Variants in WWOX observed in about 807,000 individuals in gnomAD.
WWOX encodes the protein WW domain-containing oxidoreductase.
Under a neutral mutation model 46.2 loss-of-function variants are expected in WWOX, and 69 were observed. That is an observed-to-expected ratio of 1.49 (90% CI 1.23 to 1.82). The LOEUF (loss-of-function observed/expected upper bound fraction) is 1.82, where lower values mean the gene tolerates loss of function less well. Ranked by LOEUF, WWOX falls within the 40% of genes most tolerant of loss-of-function variation. The probability of loss-of-function intolerance (pLI) is 0.00; values close to 1 mark genes in which losing one functional copy is unlikely to be tolerated. For missense variants in WWOX, 919 were observed against 542.6 expected (o/e 1.69, Z -6.89); for synonymous variants, 359 against 202.6 (o/e 1.77, Z -6.56).
intron 8 of WWOX, among the ~76,000 whole-genome samples, chr16:78,548,171 A>ATTC (rs2044088530): frequency 2.7e-5 from 2 of 74,858 alleles, no homozygotes; most frequent in Non-Finnish European, 3.6e-5. Flanking sequence ...AAAAAAAAAA[A>ATTC]AAAAAAATTA....
chr16:78,382,447 G>A (rs909439451), intron 5 of WWOX, among the ~76,000 whole-genome samples: 1 of 152,222 alleles, frequency 6.6e-6, no homozygotes, highest in Non-Finnish European at 1.5e-5. Context: ...TACAATGAGT[G>A]TGAAGTGTGA....
chr16:79,152,685 A>C (rs1005138717), intron 8 of WWOX, among the ~76,000 whole-genome samples: 12 of 151,850 alleles, frequency 7.9e-5, no homozygotes, highest in African/African-American at 9.7e-5. Context: ...AAAAAAAAAA[A>C]AAACAAAAAC....
At chr16:79,107,900 G>C (rs982902835) in intron 8 of WWOX, among the ~76,000 whole-genome samples, 1 of 152,176 alleles carries the variant, frequency 6.6e-6, no homozygotes, top group Non-Finnish European at 1.5e-5. Flanking sequence ...GTCATAACTG[G>C]GGATTTTGGA....
chr16:78,806,351 TAACA>T (rs1402294989), intron 8 of WWOX, among the ~76,000 whole-genome samples: 1 of 152,200 alleles, frequency 6.6e-6, no homozygotes, highest in Non-Finnish European at 1.5e-5. Context: ...AATTGTTGCA[TAACA>T]AACCACCCCC....
chr16:79,010,898 G>C (rs990164314), intron 8 of WWOX, among the ~76,000 whole-genome samples: 1 of 152,036 alleles, frequency 6.6e-6, no homozygotes, highest in Non-Finnish European at 1.5e-5. Context: ...AGGGCAGACG[G>C]GGTCATGTTG....
At chr16:78,714,683 A>G (rs2048522568) in intron 8 of WWOX, among the ~76,000 whole-genome samples, 1 of 152,200 alleles carries the variant, frequency 6.6e-6, no homozygotes, top group South Asian at 2.1e-4. Flanking sequence ...AGTAAGAAGC[A>G]GTGTAGCATG....
chr16:79,150,641 A>G (rs1486976176), intron 8 of WWOX, among the ~76,000 whole-genome samples: 1 of 152,164 alleles, frequency 6.6e-6, no homozygotes, highest in African/African-American at 2.4e-5. Context: ...AAATTCATAT[A>G]TTTTTAAATA....
At chr16:79,185,946 G>A (rs565561559) in intron 8 of WWOX, among the ~76,000 whole-genome samples, 1 of 149,816 alleles carries the variant, frequency 6.7e-6, no homozygotes, top group Non-Finnish European at 1.5e-5. Context: ...TGCCATGTCT[G>A]TGTGTGTGTG....
Position 78,504,588 on chromosome 16 carries a change from A to G in WWOX, c.1056+71836A>G, listed in dbSNP as rs534925599. Among the ~76,000 whole-genome samples the G allele has an allele frequency of 3.9e-5, 6 of 152,306 alleles. No homozygotes were observed. In the South Asian group the frequency reaches 1.2e-3, roughly 32 times the overall value. On this transcript the variant is annotated intron_variant, in intron 8 of 8. Coordinates refer to ENST00000566780, the MANE Select transcript of WWOX (RefSeq NM_016373.4). ...TTCCAGAAGTGGGCGTCGTGATGCC[A>G]GTGTCTTCGTAATACTATCTTTCTT... is the stretch of plus-strand genomic sequence containing the variant.
chr16:78,432,545 A>G lies in WWOX; in HGVS notation c.849A>G (p.Thr283=), dbSNP rs759599384. The change falls in exon 8 of 9, where the codon ACA becomes ACG. Residue 283 remains threonine (T), a synonymous_variant. Transcript: ENST00000566780. ...TGGACTTCAGTCGCCTCTCTCCAAC[A>G]AAAAACGACTATTGGGCGATGCTGG... ...GKLDFSRLSP[T]KNDYWAMLAY... is the part of the protein sequence containing the mutation. 22 of 1,614,158 alleles carry G rather than the reference A, an allele frequency of 1.4e-5. No homozygotes were observed. In the South Asian group the frequency reaches 2.1e-4, roughly 15 times the overall value.
chr16:79,163,101 C>G (rs1050748235), intron 8 of WWOX, among the ~76,000 whole-genome samples: 2 of 152,062 alleles, frequency 1.3e-5, no homozygotes, highest in Non-Finnish European at 2.9e-5. Context: ...TGTTGACAAG[C>G]GACATTTGTG....
At chr16:78,647,320 G>A (rs2046867021) in intron 8 of WWOX, among the ~76,000 whole-genome samples, 1 of 152,182 alleles carries the variant, frequency 6.6e-6, no homozygotes, top group Admixed American at 6.5e-5. Flanking sequence ...AGGCGAGGAT[G>A]AGGAGTAACT....
At chr16:78,493,205 T>G (rs530953381) in intron 8 of WWOX, among the ~76,000 whole-genome samples, 1 of 152,280 alleles carries the variant, frequency 6.6e-6, no homozygotes, top group East Asian at 1.9e-4. Flanking sequence ...GTTTCCTGCT[T>G]CCATTGTCTT....
intron 8 of WWOX, among the ~76,000 whole-genome samples, chr16:78,501,194 T>TCTC (rs771242988): frequency 7.3e-5 from 7 of 95,620 alleles, no homozygotes; most frequent in African/African-American, 2.4e-4. Context: ...TTTCTTTCTC[T>TCTC]TTTTTTTTTT....
intron 8 of WWOX, among the ~76,000 whole-genome samples, chr16:79,038,078 A>G (rs1478861692): frequency 6.6e-6 from 1 of 152,028 alleles, no homozygotes; most frequent in Non-Finnish European, 1.5e-5. Context: ...CCTCCTCAAC[A>G]ATTAATTCAG....
chr16:78,427,110 C>A (rs2083099289), intron 7 of WWOX, among the ~76,000 whole-genome samples: 1 of 152,132 alleles, frequency 6.6e-6, no homozygotes, highest in African/African-American at 2.4e-5. Flanking sequence ...TGCTCACTAC[C>A]CAAGAACTCA....
rs576934948 is a variant in WWOX at position 78,993,371 on chromosome 16, C to A, written c.1057-218237C>A. Reference sequence around the variant, plus strand: ...ATATTTACAATAAAACCTTTAAGTGCTTGTCAAGAGGGTAATGTGTCATTA... The same window carrying A: ...ATATTTACAATAAAACCTTTAAGTGATTGTCAAGAGGGTAATGTGTCATTA... On this transcript the variant is annotated intron_variant, in intron 8 of 8. Transcript: ENST00000566780. Among the ~76,000 whole-genome samples, 21 of 152,210 alleles carry A rather than the reference C, an allele frequency of 1.4e-4. No homozygotes were observed. In the East Asian group the frequency reaches 2.7e-3, roughly 20 times the overall value.
chr16:78,841,160 C>T (rs546686557), intron 8 of WWOX, among the ~76,000 whole-genome samples: 19 of 152,280 alleles, frequency 1.2e-4, no homozygotes, highest in East Asian at 7.7e-4. Context: ...AGATACACAA[C>T]GTGCACTGGG....
rs534567004 is a variant in WWOX, at chr16:78,733,591, C to CAA, written c.1056+300852_1056+300853dup. Among the ~76,000 whole-genome samples, 34 of 135,250 alleles carry CAA rather than the reference C, an allele frequency of 2.5e-4. 1 individual carries two copies. Among genetic ancestry groups the CAA allele is most frequent in the East Asian group, 1.5e-3 (7 of 4,602 alleles). 88.7% of individuals were successfully genotyped at this position (135,250 alleles called of 152,430 possible). On this transcript the variant is annotated intron_variant, in intron 8 of 8. Transcript: ENST00000566780. Reference sequence around the variant, plus strand: ...TGAAACCCTATCTCTACTGAAAATACAAAAAAAAAAAAAATTAGCCGGGTA... The same window carrying CAA: ...TGAAACCCTATCTCTACTGAAAATACAAAAAAAAAAAAAAAATTAGCCGGGTA...
Sources: allele counts gnomAD v4.1 joint callset (sites outside exome capture counted in the v4.1 genomes callset), GRCh38; gene constraint gnomAD v4.1.1; transcripts MANE v1.5; gene names NCBI Gene and HGNC (gene_info 2026-07-23, HGNC 2026-07-21).